The following SLAIN2 variants were observed in gnomAD, a reference collection of about 807,000 sequenced individuals.
SLAIN2 encodes SLAIN motif-containing protein 2.
SLAIN2 carries 31 observed loss-of-function variants against 56.6 expected under a neutral mutation model. That is an observed-to-expected ratio of 0.55 (90% confidence interval 0.41 to 0.74). The LOEUF is 0.74. Ranked by LOEUF, SLAIN2 falls within the 30% of genes least tolerant of loss-of-function variation. The pLI is 0.00. For missense variants in SLAIN2, 777 were observed against 754.2 expected (o/e 1.03, Z -0.35); for synonymous variants, 317 against 284.9 (o/e 1.11, Z -1.13).
At chr4:48,407,856 T>C (rs1344893186) in intron 6 of SLAIN2, among the ~76,000 whole-genome samples, 1 of 152,202 alleles carries the variant, frequency 6.6e-6, no homozygotes, top group Non-Finnish European at 1.5e-5. Flanking sequence ...TCCTCATTCC[T>C]CACTTCTTCC....
rs1184277768 is a variant in SLAIN2, at chr4:48,422,307, T to C, written c.*230T>C. ...ACAATCACTCTCCATAGAATCACTT[T>C]TAGTTTTGTTTAATAGAAACTAGGT... On this transcript the variant is annotated 3_prime_UTR_variant, in exon 8 of 8. Transcript: ENST00000264313. 1 of 401,644 alleles carries C rather than the reference T, an allele frequency of 2.5e-6. No individual in the cohort carries two copies. The highest frequency in any genetic ancestry group is 2.0e-5 in the African/African-American group (1 of 49,042). 24.9% of individuals were successfully genotyped at this position (401,644 alleles called of 1,614,324 possible).
At chr4:48,420,054 G>A (rs1175830231) in intron 6 of SLAIN2, 71 bp from the exon 7 acceptor site, 2 of 1,461,094 alleles carry the variant, frequency 1.4e-6, no homozygotes, top group Non-Finnish European at 1.9e-6. Context: ...ATCATCAGTT[G>A]TAATTTAAAG....
intron 3 of SLAIN2, 134 bp downstream of exon 3, chr4:48,378,194 G>C (rs1465593201): frequency 1.0e-6 from 1 of 962,086 alleles, no homozygotes; most frequent in Non-Finnish European, 1.5e-6. Context: ...AAATATCGTT[G>C]AGGAGCAACT....
chr4:48,420,543 TC>T, intron 7 of SLAIN2, 100 bp downstream of exon 7: 1 of 1,322,282 alleles, frequency 7.6e-7, no homozygotes. Flanking sequence ...AAACAGAAAG[TC>T]ATGGTGGATT....
chr4:48,374,941 T>C (rs1343399243), intron 2 of SLAIN2, among the ~76,000 whole-genome samples: 1 of 152,326 alleles, frequency 6.6e-6, no homozygotes, highest in East Asian at 1.9e-4. Flanking sequence ...ATCTTATATG[T>C]TGACTTAGAT....
chr4:48,349,764 C>T (rs932862743), intron 1 of SLAIN2, among the ~76,000 whole-genome samples: 8 of 152,068 alleles, frequency 5.3e-5, no homozygotes, highest in Non-Finnish European at 1.0e-4. Flanking sequence ...TTCCTTGTTA[C>T]TTAGTAGTAG....
intron 2 of SLAIN2, among the ~76,000 whole-genome samples, chr4:48,370,855 T>C (rs1270323352): frequency 6.6e-6 from 1 of 152,212 alleles, no homozygotes; most frequent in Admixed American, 6.5e-5. Flanking sequence ...TTATTTTGGC[T>C]TTATTATAGA....
intron 1 of SLAIN2, among the ~76,000 whole-genome samples, chr4:48,358,353 C>T (rs556062625): frequency 8.7e-5 from 13 of 149,530 alleles, no homozygotes; most frequent in African/African-American, 3.2e-4. Context: ...GAGTTTCACT[C>T]TTGTTGCCCA....
chr4:48,379,408 A>G (rs1301623898), intron 3 of SLAIN2, among the ~76,000 whole-genome samples: 1 of 152,080 alleles, frequency 6.6e-6, no homozygotes, highest in African/African-American at 2.4e-5. Context: ...TTGAACACCA[A>G]TTACTTGCCA....
chr4:48,420,614 T>C, intron 7 of SLAIN2, 171 bp downstream of exon 7: 1 of 812,452 alleles, frequency 1.2e-6, no homozygotes, highest in East Asian at 2.7e-5. Flanking sequence ...TAAGAAATCC[T>C]CATTTGGGAC....
intron 2 of SLAIN2, among the ~76,000 whole-genome samples, chr4:48,374,981 T>G (rs1173453356): frequency 1.3e-5 from 2 of 152,124 alleles, no homozygotes; most frequent in Non-Finnish European, 2.9e-5. Flanking sequence ...GGAGAGACAT[T>G]AAATGGGTGG....
rs112565022 is a variant in SLAIN2 at position 48,394,535 on chromosome 4, G to A, written c.1360+10751G>A. ...TTACAGACGCTGTAGCCTTTGTCTT[G>A]TACTTCCAGGCAAATATTACAGTTC... On this transcript the variant is annotated intron_variant, in intron 6 of 7. Transcript: ENST00000264313. The A allele has an allele frequency of 7.2e-4, 1,057 of 1,475,872 alleles. 7 individuals are homozygous for A. The African/African-American group carries it at 0.012, about 17-fold the overall frequency. 91.4% of individuals were successfully genotyped at this position (1,475,872 alleles called of 1,614,324 possible).
chr4:48,342,372 C>G (rs1252978271), intron 1 of SLAIN2, among the ~76,000 whole-genome samples: 2 of 152,198 alleles, frequency 1.3e-5, no homozygotes, highest in Non-Finnish European at 2.9e-5. Context: ...GTGCTGGACC[C>G]TATTGGGGTC....
At chr4:48,418,851 A>AGTGT (rs34754943) in intron 6 of SLAIN2, among the ~76,000 whole-genome samples, 1 of 151,698 alleles carries the variant, frequency 6.6e-6, no homozygotes, top group African/African-American at 2.4e-5. Context: ...AACATTCTAC[A>AGTGT]GTGTGTGTGT....
chr4:48,346,835 CTT>C (rs71191209), intron 1 of SLAIN2, among the ~76,000 whole-genome samples: 2,783 of 127,936 alleles, frequency 0.022, 109 homozygotes, highest in African/African-American at 0.072. Flanking sequence ...TTCTATTTCC[CTT>C]TTTTTTTTTT....
At chr4:48,347,323 C>T (rs537381617) in intron 1 of SLAIN2, among the ~76,000 whole-genome samples, 29 of 151,490 alleles carry the variant, frequency 1.9e-4, no homozygotes, top group African/African-American at 6.3e-4. Flanking sequence ...CAGTACCACC[C>T]CCCCTCCCCC....
At chr4:48,406,782 C>CT (rs1470411931) in intron 6 of SLAIN2, among the ~76,000 whole-genome samples, 1 of 151,972 alleles carries the variant, frequency 6.6e-6, no homozygotes, top group African/African-American at 2.4e-5. Context: ...TAACTTATCT[C>CT]TTGTTTTCAT....
At position 48,422,884 on chromosome 4, in the gene SLAIN2, C is replaced by T. The variant is rs1225536736; in HGVS notation, c.*807C>T. 6.6e-6 allele frequency: 1 copy of T among 152,152 alleles called. No homozygotes were observed. The highest frequency in any genetic ancestry group is 1.5e-5 in the Non-Finnish European group (1 of 68,010). 9.4% of individuals were successfully genotyped at this position (152,152 alleles called of 1,614,324 possible). A position where few individuals can be genotyped will look rare whatever the true frequency, so the allele number is the denominator to read the frequency against. ...CCTGGCTCAGGAAAGATGGCCTTTG[C>T]TATTGAAGCCAACTTCTTCACATGC... is the stretch of plus-strand genomic sequence containing the variant. On this transcript the variant is annotated 3_prime_UTR_variant, in exon 8 of 8. Transcript: ENST00000264313.
intron 6 of SLAIN2, among the ~76,000 whole-genome samples, chr4:48,391,402 T>A (rs540699937): frequency 6.6e-6 from 1 of 152,246 alleles, no homozygotes; most frequent in Non-Finnish European, 1.5e-5. Context: ...ATGTGCTTAC[T>A]TAAAGCTTAC....
Sources: allele counts gnomAD v4.1 joint callset (sites outside exome capture counted in the v4.1 genomes callset), GRCh38; gene constraint gnomAD v4.1.1; transcripts MANE v1.5; gene names NCBI Gene and HGNC (gene_info 2026-07-23, HGNC 2026-07-21).